DCUN1D4: variants seen among roughly 807,000 people sequenced by gnomAD.
The protein encoded by DCUN1D4 is DCN1-like protein 4.
In DCUN1D4, 22 loss-of-function variants were observed where a neutral mutation model predicts 47.9. The ratio of observed to expected loss-of-function variants is 0.46; its 90% confidence interval spans 0.33 to 0.66. The LOEUF is 0.66. Among genes scored for constraint, DCUN1D4 ranks in the 30% least tolerant of loss-of-function variants. The pLI is 0.02. For missense variants in DCUN1D4, 301 were observed against 340.8 expected, an observed-to-expected ratio of 0.88 and a Z score of 0.92; for synonymous variants, 121 against 112.2, an observed-to-expected ratio of 1.08 and a Z score of -0.50.
intron 5 of DCUN1D4, among the ~76,000 whole-genome samples, chr4:51,880,150 G>T (rs571145300): frequency 1.1e-4 from 16 of 152,230 alleles, no homozygotes; most frequent in Non-Finnish European, 2.1e-4. Flanking sequence ...TTTTCATTTT[G>T]TGTATCTCAA....
At chr4:51,847,096 T>C (rs1050666536) in intron 1 of DCUN1D4, among the ~76,000 whole-genome samples, 2 of 152,214 alleles carry the variant, frequency 1.3e-5, no homozygotes, top group Non-Finnish European at 2.9e-5. Context: ...CAGCATCTCT[T>C]GTAAGATATG....
In DCUN1D4 at chr4:51,843,719, C is replaced by T. The variant is rs910052239; in HGVS notation, c.25+452C>T. On this transcript the variant is annotated intron_variant, in intron 1 of 10. Transcript: ENST00000334635. ...AGGATTTCCAAAGGGCTGAGTGGTG[C>T]GGGCGGCTCCGTGAGAAAGGCGGGT... 2.5e-5 allele frequency: 29 copies of T among 1,171,168 alleles called. No homozygotes were observed. The South Asian group carries it at 5.6e-4, about 23-fold the overall frequency. 72.5% of individuals were successfully genotyped at this position (1,171,168 alleles called of 1,614,324 possible). A position where few individuals can be genotyped will look rare whatever the true frequency, so the allele number is the denominator to read the frequency against.
In DCUN1D4 at chr4:51,863,692, A is replaced by G. The variant is rs1311796268; in HGVS notation, c.119A>G (p.Gln40Arg). The change falls in exon 3 of 11, where the codon CAA (glutamine) becomes CGA (arginine). Residue 40 changes from glutamine to arginine, a missense_variant. Gln to Arg is a conservative substitution (Grantham distance 43). This residue lies in a region of DCUN1D4 where 131 missense variants were observed against 106.3 expected (regional missense o/e 1.23). Transcript: ENST00000334635. Reference protein sequence around the residue: ...NKLNLTEDIGQDDHQTGSLRS... With the variant: ...NKLNLTEDIGRDDHQTGSLRS... Reference sequence around the variant, plus strand: ...CAGAACCTAACAGAAGACATTGGCCAAGACGATCACCAAACAGGTATCTGT... The same window carrying G: ...CAGAACCTAACAGAAGACATTGGCCGAGACGATCACCAAACAGGTATCTGT... The G allele has an allele frequency of 1.5e-5, 24 of 1,613,586 alleles. No individual in the cohort carries two copies. The highest frequency in any genetic ancestry group is 2.0e-5 in the Non-Finnish European group (24 of 1,179,832).
At chr4:51,898,849 C>G (rs916845971) in intron 7 of DCUN1D4, among the ~76,000 whole-genome samples, 2 of 152,110 alleles carry the variant, frequency 1.3e-5, no homozygotes, top group East Asian at 3.9e-4. Flanking sequence ...AAAACAGCAG[C>G]TATAAAAGAA....
chr4:51,896,509 G>A (rs1415472123), intron 7 of DCUN1D4, among the ~76,000 whole-genome samples: 2 of 151,880 alleles, frequency 1.3e-5, no homozygotes, highest in African/African-American at 4.8e-5. Flanking sequence ...CAGGGACCTC[G>A]ACCTTATGTT....
chr4:51,845,592 T>G (rs1238362002), intron 1 of DCUN1D4, among the ~76,000 whole-genome samples: 1 of 152,184 alleles, frequency 6.6e-6, no homozygotes, highest in Non-Finnish European at 1.5e-5. Flanking sequence ...CCCTTTACTG[T>G]TTACAGGGAA....
intron 6 of DCUN1D4, chr4:51,887,327 C>T (rs1314765210): frequency 1.0e-5 from 3 of 298,522 alleles, no homozygotes; most frequent in Non-Finnish European, 2.0e-5. Context: ...GTCTCTATCT[C>T]CTGACCTTGT....
intron 8 of DCUN1D4, among the ~76,000 whole-genome samples, chr4:51,904,254 C>T (rs1331858112): frequency 1.3e-5 from 2 of 152,204 alleles, no homozygotes; most frequent in Non-Finnish European, 1.5e-5. Flanking sequence ...GGATTCTACC[C>T]AATGCCTTGT....
chr4:51,859,300 G>T (rs190859407), intron 1 of DCUN1D4, among the ~76,000 whole-genome samples: 69 of 152,140 alleles, frequency 4.5e-4, no homozygotes, highest in African/African-American at 1.6e-3. Flanking sequence ...ATTCCTATAT[G>T]TATTGTTGCT....
At chr4:51,847,151 G>A (rs1304936294) in intron 1 of DCUN1D4, among the ~76,000 whole-genome samples, 1 of 151,976 alleles carries the variant, frequency 6.6e-6, no homozygotes, top group African/African-American at 2.4e-5. Flanking sequence ...GCGCTGGGTT[G>A]GCAACTTGCA....
At chr4:51,871,181 A>G (rs1726838620) in intron 3 of DCUN1D4, among the ~76,000 whole-genome samples, 1 of 152,208 alleles carries the variant, frequency 6.6e-6, no homozygotes, top group Non-Finnish European at 1.5e-5. Context: ...AAACATTTTA[A>G]TAAATGACAG....
At chr4:51,903,483 A>T (rs898748102) in intron 8 of DCUN1D4, among the ~76,000 whole-genome samples, 2 of 151,592 alleles carry the variant, frequency 1.3e-5, no homozygotes, top group African/African-American at 4.9e-5. Context: ...AATTTTCTTT[A>T]TGTTTATTTT....
chr4:51,866,035 T>C (rs1725850720), intron 3 of DCUN1D4, among the ~76,000 whole-genome samples: 5 of 152,122 alleles, frequency 3.3e-5, no homozygotes, highest in Admixed American at 3.3e-4. Context: ...CTCAGTTCAG[T>C]CTCTCAGCAC....
intron 8 of DCUN1D4, chr4:51,910,736 TCAAA>T (rs1733594474): frequency 1.4e-5 from 4 of 290,140 alleles, no homozygotes; most frequent in African/African-American, 2.2e-5. Context: ...ATCATAAATA[TCAAA>T]CAAGCAAGTG....
At chr4:51,868,491 C>T (rs1560473184) in intron 3 of DCUN1D4, among the ~76,000 whole-genome samples, 1 of 152,236 alleles carries the variant, frequency 6.6e-6, no homozygotes, top group African/African-American at 2.4e-5. Context: ...ACTTCATTAA[C>T]ATTTGCCATC....
chr4:51,903,074 C>A (rs899904856), intron 8 of DCUN1D4, among the ~76,000 whole-genome samples: 4 of 152,052 alleles, frequency 2.6e-5, no homozygotes, highest in Non-Finnish European at 5.9e-5. Flanking sequence ...TTTAAATTGG[C>A]AAAAATGTCT....
At chr4:51,839,141 GGGAAGGAA>G (rs199949836), upstream of DCUN1D4, among the ~76,000 whole-genome samples, 31 of 147,286 alleles carry the variant, frequency 2.1e-4, no homozygotes, top group Admixed American at 6.8e-4. Flanking sequence ...GAATGAGGGA[GGGAAGGAA>G]GGAAGGAAGG....
upstream of DCUN1D4, among the ~76,000 whole-genome samples, chr4:51,838,580 C>T (rs901061920): frequency 2.0e-5 from 3 of 152,036 alleles, no homozygotes; most frequent in Non-Finnish European, 2.9e-5. Flanking sequence ...TAGGGTCTCC[C>T]TGTGTTGGCC....
chr4:51,871,518 G>A lies in DCUN1D4; in HGVS notation c.137-2753G>A, dbSNP rs138455668. On this transcript the variant is annotated intron_variant, in intron 3 of 10. Transcript: ENST00000334635. ...TGTTCCTCTTCTTATGGATTGAGGC[G>A]ATAAGTGCATTTTCTTCTGTGTTTT... 3.0e-3 allele frequency among the ~76,000 whole-genome samples: 450 copies of A among 152,310 alleles called. 3 individuals are homozygous for A. Among genetic ancestry groups the A allele is most frequent in the African/African-American group, 0.01 (421 of 41,570 alleles).
Sources: allele counts gnomAD v4.1 joint callset (sites outside exome capture counted in the v4.1 genomes callset), GRCh38; gene constraint gnomAD v4.1.1; regional missense constraint gnomAD v4.1.1; transcripts MANE v1.5; gene names NCBI Gene and HGNC (gene_info 2026-07-23, HGNC 2026-07-21).